EXOC4: variants seen among roughly 807,000 people sequenced by gnomAD.
EXOC4 encodes the protein exocyst complex component 4, also known as SEC8-like 1.
EXOC4 carries 71 observed loss-of-function variants against 107.2 expected under a neutral mutation model. That is an observed-to-expected ratio of 0.66 (90% CI 0.55 to 0.81). EXOC4 has a LOEUF of 0.81. EXOC4 is among the 30% of genes least tolerant of loss of function. The pLI, the probability that EXOC4 is intolerant of heterozygous loss-of-function variation, is 0.00. For synonymous variants in EXOC4, 456 were observed against 441.2 expected (o/e 1.03, Z -0.42); for missense variants, 1,108 against 1,189.6 (o/e 0.93, Z 1.01).
At chr7:133,719,942 G>A (rs1795073251) in intron 10 of EXOC4, among the ~76,000 whole-genome samples, 1 of 152,076 alleles carries the variant, frequency 6.6e-6, no homozygotes, top group African/African-American at 2.4e-5. Context: ...TGAATTGAAG[G>A]TATGCAAAGG....
chr7:133,674,319 G>A (rs766640177), intron 10 of EXOC4, among the ~76,000 whole-genome samples: 1 of 152,124 alleles, frequency 6.6e-6, no homozygotes, highest in Non-Finnish European at 1.5e-5. Flanking sequence ...TATAAAACAA[G>A]CCAATTAAGA....
At chr7:133,696,260 T>C (rs1312217496) in intron 10 of EXOC4, among the ~76,000 whole-genome samples, 1 of 152,206 alleles carries the variant, frequency 6.6e-6, no homozygotes, top group African/African-American at 2.4e-5. Flanking sequence ...AATGCAGAGA[T>C]AGGCTGTAGC....
chr7:133,381,990 T>A (rs1396049279), intron 7 of EXOC4, among the ~76,000 whole-genome samples: 1 of 152,186 alleles, frequency 6.6e-6, no homozygotes, highest in African/African-American at 2.4e-5. Flanking sequence ...TTCAGGTGAT[T>A]CTTATGCACA....
chr7:133,393,372 C>T (rs1584880622), intron 7 of EXOC4, among the ~76,000 whole-genome samples: 2 of 152,066 alleles, frequency 1.3e-5, no homozygotes, highest in African/African-American at 2.4e-5. Context: ...ATTTATGGTG[C>T]CTGTCTCTTC....
At chr7:133,495,354 ATATTAT>A (rs779601570) in intron 9 of EXOC4, among the ~76,000 whole-genome samples, 2 of 151,966 alleles carry the variant, frequency 1.3e-5, no homozygotes, top group Non-Finnish European at 2.9e-5. Context: ...TTATTTATTA[ATATTAT>A]TATTACACTT....
At chr7:133,487,742 T>G (rs556175299) in intron 9 of EXOC4, among the ~76,000 whole-genome samples, 1 of 152,046 alleles carries the variant, frequency 6.6e-6, no homozygotes, top group South Asian at 2.1e-4. Flanking sequence ...AAAACGAAAT[T>G]TGTGTAAAAA....
In EXOC4 at chr7:134,007,838, A is replaced by G; in HGVS notation, c.2687+3A>G. 1 of 1,609,442 alleles carries G rather than the reference A, an allele frequency of 6.2e-7. No individual in the cohort carries two copies. On this transcript the variant is annotated splice_donor_region_variant and intron_variant, in intron 17 of 17. Transcript: ENST00000253861. ...GAGGCAGACCTGGACTTTGCAAGGT[A>G]GGAGGGAAAACTGGGTTTAGTTTCT...
intron 11 of EXOC4, among the ~76,000 whole-genome samples, chr7:133,852,388 A>G (rs376488747): frequency 2.0e-5 from 3 of 152,272 alleles, no homozygotes; most frequent in East Asian, 3.9e-4. Context: ...TCTAAGGACT[A>G]TAGTCTGTTA....
intron 12 of EXOC4, among the ~76,000 whole-genome samples, chr7:133,903,020 A>C (rs1291811038): frequency 2.6e-5 from 4 of 152,206 alleles, no homozygotes; most frequent in Non-Finnish European, 5.9e-5. Flanking sequence ...GAAAGGCTCC[A>C]AGGAGTTGAA....
intron 10 of EXOC4, among the ~76,000 whole-genome samples, chr7:133,763,773 T>C (rs996235882): frequency 6.6e-6 from 1 of 152,054 alleles, no homozygotes; most frequent in South Asian, 2.1e-4. Flanking sequence ...TTGTTTTGTT[T>C]TTGTTTTTTT....
intron 7 of EXOC4, among the ~76,000 whole-genome samples, chr7:133,468,104 G>A (rs1798776704): frequency 6.6e-6 from 1 of 152,092 alleles, no homozygotes; most frequent in African/African-American, 2.4e-5. Context: ...TTTGCTAAGA[G>A]CTATTCTCTT....
intron 10 of EXOC4, among the ~76,000 whole-genome samples, chr7:133,767,497 G>T (rs1272649466): frequency 6.6e-6 from 1 of 151,758 alleles, no homozygotes; most frequent in Non-Finnish European, 1.5e-5. Context: ...TATGTACCAT[G>T]TACACACCAC....
intron 17 of EXOC4, among the ~76,000 whole-genome samples, chr7:134,035,822 A>G (rs560357286): frequency 1.3e-5 from 2 of 152,272 alleles, no homozygotes; most frequent in South Asian, 4.1e-4. Context: ...TCCAGGCATC[A>G]CAGAGACACA....
intron 11 of EXOC4, among the ~76,000 whole-genome samples, chr7:133,839,415 G>T (rs1008517791): frequency 6.6e-6 from 1 of 152,202 alleles, no homozygotes; most frequent in Non-Finnish European, 1.5e-5. Context: ...TGAAATTACT[G>T]TAATGAGATA....
At position 134,007,773 on chromosome 7, in the gene EXOC4, T is replaced by C; in HGVS notation, c.2625T>C (p.Phe875=). The C allele has an allele frequency of 6.2e-7, 1 of 1,613,642 alleles. No homozygotes were observed. Among genetic ancestry groups the C allele is most frequent in the Non-Finnish European group, 8.5e-7 (1 of 1,179,734 alleles). Residue 875 remains phenylalanine (F), a synonymous_variant, in exon 17 of 18, where the codon TTT becomes TTC. Coordinates refer to ENST00000253861, the MANE Select transcript of EXOC4 (RefSeq NM_021807.4). ...TCAAGAAAATGTGTAGGAACATTTT[T>C]GTTCTTCAGCAGAATTTGACCAACA... ...SGIKKMCRNI[F]VLQQNLTNIT...
chr7:133,938,889 G>C (rs1800363510), intron 14 of EXOC4, among the ~76,000 whole-genome samples: 1 of 152,172 alleles, frequency 6.6e-6, no homozygotes, highest in African/African-American at 2.4e-5. Context: ...AGCAACCTCT[G>C]CCTCCTGGGT....
intron 10 of EXOC4, among the ~76,000 whole-genome samples, chr7:133,746,029 A>G (rs1007763339): frequency 6.6e-6 from 1 of 152,128 alleles, no homozygotes; most frequent in African/African-American, 2.4e-5. Flanking sequence ...CAGCTTTGTT[A>G]AAGGCTTAAA....
At chr7:133,467,089 C>T (rs962873352) in intron 7 of EXOC4, among the ~76,000 whole-genome samples, 9 of 152,014 alleles carry the variant, frequency 5.9e-5, no homozygotes, top group Non-Finnish European at 1.2e-4. Context: ...AGTTCACGGG[C>T]GTATATTCCA....
At chr7:133,975,942 AC>A (rs1793822771) in intron 14 of EXOC4, among the ~76,000 whole-genome samples, 1 of 152,176 alleles carries the variant, frequency 6.6e-6, no homozygotes. Context: ...TGTGCTTTTA[AC>A]CACCACACTA....
Sources: gnomAD v4.1 joint callset for allele counts (sites outside exome capture counted in the v4.1 genomes callset) on GRCh38, gnomAD v4.1.1 for gene constraint, MANE v1.5 for transcripts, NCBI Gene and HGNC (gene_info 2026-07-23, HGNC 2026-07-21) for gene names.